COMMD10: variants seen among roughly 807,000 people sequenced by gnomAD.
COMMD10 encodes COMM domain containing 10.
A neutral mutation model predicts 28.9 loss-of-function variants in COMMD10; 33 were observed. The ratio of observed to expected loss-of-function variants is 1.14; its 90% CI spans 0.87 to 1.53. The LOEUF is 1.53. Among genes scored for constraint, COMMD10 ranks in the 40% most tolerant of loss-of-function variants. The probability of loss-of-function intolerance (pLI) is 0.00; values close to 1 mark genes in which losing one functional copy is unlikely to be tolerated. For synonymous variants in COMMD10, 110 were observed against 81.7 expected (o/e 1.35, Z -1.87); for missense variants, 310 against 233.4 (o/e 1.33, Z -2.14).
At chr5:116,120,901 G>C (rs1012305120) in intron 4 of COMMD10, among the ~76,000 whole-genome samples, 2 of 151,674 alleles carry the variant, frequency 1.3e-5, no homozygotes, top group African/African-American at 4.8e-5. Flanking sequence ...TAACATTTAT[G>C]TATATGTTTT....
chr5:116,274,384 G>T (rs1042417721), intron 5 of COMMD10, among the ~76,000 whole-genome samples: 1 of 151,794 alleles, frequency 6.6e-6, no homozygotes, highest in South Asian at 2.1e-4. Flanking sequence ...CAACACAAAA[G>T]TAGGCTTAGA....
At chr5:116,093,323 G>C (rs1750360127) in intron 4 of COMMD10, among the ~76,000 whole-genome samples, 1 of 152,152 alleles carries the variant, frequency 6.6e-6, no homozygotes, top group Non-Finnish European at 1.5e-5. Flanking sequence ...ATCTAAAAGA[G>C]AATGCTAGAG....
At chr5:116,154,031 A>G (rs943977932) in intron 5 of COMMD10, among the ~76,000 whole-genome samples, 2 of 152,126 alleles carry the variant, frequency 1.3e-5, no homozygotes, top group East Asian at 3.9e-4. Flanking sequence ...AAAGTAGGCA[A>G]GAGGTCAGCT....
intron 5 of COMMD10, among the ~76,000 whole-genome samples, chr5:116,200,220 A>G (rs562859455): frequency 1.3e-5 from 2 of 152,066 alleles, no homozygotes; most frequent in African/African-American, 4.8e-5. Flanking sequence ...CGTTTTTTCT[A>G]CTATATATAC....
chr5:116,180,859 A>C (rs1262661107), intron 5 of COMMD10, among the ~76,000 whole-genome samples: 1 of 152,118 alleles, frequency 6.6e-6, no homozygotes, highest in East Asian at 1.9e-4. Flanking sequence ...AAATGATGAA[A>C]TGCTTATTTA....
intron 5 of COMMD10, among the ~76,000 whole-genome samples, chr5:116,149,610 T>A (rs1157197314): frequency 6.6e-6 from 1 of 151,408 alleles, no homozygotes; most frequent in Non-Finnish European, 1.5e-5. Flanking sequence ...TGGCCAGTGA[T>A]GGTGAGCATT....
At chr5:116,183,815 G>A (rs1748052910) in intron 5 of COMMD10, among the ~76,000 whole-genome samples, 2 of 152,050 alleles carry the variant, frequency 1.3e-5, no homozygotes, top group African/African-American at 2.4e-5. Flanking sequence ...TGTCTCTACT[G>A]TGACCATATT....
chr5:116,189,358 A>G (rs1748267379), intron 5 of COMMD10, among the ~76,000 whole-genome samples: 2 of 152,126 alleles, frequency 1.3e-5, no homozygotes, highest in African/African-American at 2.4e-5. Context: ...GTCTCATACC[A>G]GTGGAGATAC....
Position 116,121,137 on chromosome 5 carries a change from C to G in COMMD10, c.400-12931C>G, listed in dbSNP as rs111964385. Among the ~76,000 whole-genome samples the G allele has an allele frequency of 9.3e-3, 1,419 of 152,044 alleles. 27 individuals are homozygous for G. Among genetic ancestry groups the G allele is most frequent in the African/African-American group, 0.033 (1,367 of 41,374 alleles). On this transcript the variant is annotated intron_variant, in intron 4 of 6. Coordinates refer to ENST00000274458, the MANE Select transcript of COMMD10 (RefSeq NM_016144.4). Reference sequence around the variant, plus strand: ...CCTAATGCTCTCCTTCCCCCTGCCCCCCACCACATGACAGGCCCCGTGTGT... The same window carrying G: ...CCTAATGCTCTCCTTCCCCCTGCCCGCCACCACATGACAGGCCCCGTGTGT...
chr5:116,117,617 C>G (rs1013024767), intron 4 of COMMD10, among the ~76,000 whole-genome samples: 9 of 152,040 alleles, frequency 5.9e-5, no homozygotes, highest in African/African-American at 2.2e-4. Context: ...GCACGCACCA[C>G]CACTCCTGGC....
intron 5 of COMMD10, among the ~76,000 whole-genome samples, chr5:116,174,338 A>G (rs1044151262): frequency 2.0e-5 from 3 of 152,214 alleles, no homozygotes; most frequent in Admixed American, 1.3e-4. Flanking sequence ...GGTGAGAGTA[A>G]TAATGGGTAT....
At chr5:116,257,957 G>C (rs1334401335) in intron 5 of COMMD10, among the ~76,000 whole-genome samples, 1 of 151,676 alleles carries the variant, frequency 6.6e-6, no homozygotes, top group Non-Finnish European at 1.5e-5. Context: ...GTGCGATATA[G>C]AATGTTCAAG....
At chr5:116,288,371 A>C (rs1561410427) in intron 5 of COMMD10, among the ~76,000 whole-genome samples, 1 of 151,750 alleles carries the variant, frequency 6.6e-6, no homozygotes, top group Non-Finnish European at 1.5e-5. Context: ...GCTGCTCTTA[A>C]GTTTCTGTCT....
intron 5 of COMMD10, among the ~76,000 whole-genome samples, chr5:116,222,801 C>T (rs1749296835): frequency 6.6e-6 from 1 of 152,148 alleles, no homozygotes; most frequent in Admixed American, 6.5e-5. Flanking sequence ...AAGCGATTCT[C>T]CTGCCTCAGC....
intron 5 of COMMD10, among the ~76,000 whole-genome samples, chr5:116,212,090 C>T (rs1414226929): frequency 6.6e-6 from 1 of 152,116 alleles, no homozygotes; most frequent in Non-Finnish European, 1.5e-5. Flanking sequence ...TATTTTAATT[C>T]TTAATTCCTT....
At chr5:116,115,341 C>T (rs568978692) in intron 4 of COMMD10, among the ~76,000 whole-genome samples, 2 of 152,174 alleles carry the variant, frequency 1.3e-5, no homozygotes, top group African/African-American at 4.8e-5. Flanking sequence ...CTTTTGGTTG[C>T]CAGCCTGCCC....
At chr5:116,162,129 C>A (rs1561640536) in intron 5 of COMMD10, among the ~76,000 whole-genome samples, 1 of 152,148 alleles carries the variant, frequency 6.6e-6, no homozygotes, top group African/African-American at 2.4e-5. Context: ...TAAGTAGATT[C>A]ATTGACCTAT....
At chr5:116,150,373 GT>G (rs1344710963) in intron 5 of COMMD10, among the ~76,000 whole-genome samples, 2 of 152,088 alleles carry the variant, frequency 1.3e-5, no homozygotes, top group Non-Finnish European at 2.9e-5. Flanking sequence ...CTTTAAAGTA[GT>G]TTTTTCCAAT....
At chr5:116,113,839 G>A (rs1470040375) in intron 4 of COMMD10, among the ~76,000 whole-genome samples, 1 of 151,912 alleles carries the variant, frequency 6.6e-6, no homozygotes, top group East Asian at 1.9e-4. Context: ...CTTTGATGGT[G>A]TCATATTGCC....
Sources: gnomAD v4.1 joint callset for allele counts (sites outside exome capture counted in the v4.1 genomes callset) on GRCh38, gnomAD v4.1.1 for gene constraint, MANE v1.5 for transcripts, NCBI Gene and HGNC (gene_info 2026-07-23, HGNC 2026-07-21) for gene names.